DNAJB6: variants seen among roughly 807,000 people sequenced by gnomAD.
DNAJB6 encodes DnaJ heat shock protein family (Hsp40) member B6, also known as dnaJ homolog subfamily B member 6.
Under a neutral mutation model 42.7 loss-of-function variants are expected in DNAJB6, and 16 were observed. The ratio of observed to expected loss-of-function variants is 0.37; its 90% CI spans 0.25 to 0.57. The LOEUF (loss-of-function observed/expected upper bound fraction) is 0.57, where lower values mean the gene tolerates loss of function less well. Among genes scored for constraint, DNAJB6 ranks in the 20% least tolerant of loss-of-function variants. DNAJB6 has a pLI of 0.74. For synonymous variants in DNAJB6, 170 were observed against 163.5 expected (o/e 1.04, Z -0.30); for missense variants, 347 against 416.8 (o/e 0.83, Z 1.46).
At chr7:157,376,171 C>T (rs1800461425) in intron 5 of DNAJB6, among the ~76,000 whole-genome samples, 1 of 152,180 alleles carries the variant, frequency 6.6e-6, no homozygotes, top group African/African-American at 2.4e-5. Context: ...GGGTTTAAAA[C>T]ATGTTCTCCA....
At chr7:157,407,753 A>G (rs979668858) in intron 8 of DNAJB6, among the ~76,000 whole-genome samples, 6 of 152,138 alleles carry the variant, frequency 3.9e-5, no homozygotes, top group African/African-American at 1.4e-4. Flanking sequence ...CCACGTTGCC[A>G]CACAACAGCG....
intron 8 of DNAJB6, among the ~76,000 whole-genome samples, chr7:157,386,865 CAG>C: frequency 6.8e-6 from 1 of 146,342 alleles, no homozygotes; most frequent in Middle Eastern, 3.4e-3. Context: ...GCCTGGGAGA[CAG>C]AGCAAGCCTT....
At chr7:157,387,377 C>T (rs1226280280) in intron 8 of DNAJB6, among the ~76,000 whole-genome samples, 1 of 152,134 alleles carries the variant, frequency 6.6e-6, no homozygotes, top group Non-Finnish European at 1.5e-5. Context: ...AGCGGGACAG[C>T]GCCCTCTAGT....
At chr7:157,346,339 T>G (rs944471689) in intron 1 of DNAJB6, among the ~76,000 whole-genome samples, 1 of 80,056 alleles carries the variant, frequency 1.2e-5, no homozygotes, top group Admixed American at 1.4e-4. Context: ...AAAAAAAAAG[T>G]TAAAGATACA....
In DNAJB6 at chr7:157,416,158, C is replaced by G; in HGVS notation, c.*60C>G. 6.3e-7 allele frequency: 1 copy of G among 1,579,778 alleles called. No individual in the cohort carries two copies. The highest frequency in any genetic ancestry group is 8.6e-7 in the Non-Finnish European group (1 of 1,161,774). Reference sequence around the variant, plus strand: ...CTGGCGCTCCACCGTGCTCGGCATGCGGTCGTGCACACGCGCTAGGTAGCA... The same window carrying G: ...CTGGCGCTCCACCGTGCTCGGCATGGGGTCGTGCACACGCGCTAGGTAGCA... On this transcript the variant is annotated 3_prime_UTR_variant, in exon 10 of 10. Transcript: ENST00000262177.
intron 5 of DNAJB6, chr7:157,379,084 A>C (rs920196291): frequency 2.0e-5 from 3 of 152,208 alleles, no homozygotes; most frequent in Non-Finnish European, 4.4e-5. Flanking sequence ...GATTTTTTTC[A>C]TACAAGAAAA....
rs1554461159 is a variant in DNAJB6, at chr7:157,376,858, CGA to C, written c.347-5387_347-5386del. Among the ~76,000 whole-genome samples, 5 of 152,076 alleles carry C rather than the reference CGA, an allele frequency of 3.3e-5. 1 individual carries two copies. Among genetic ancestry groups the C allele is most frequent in the Non-Finnish European group, 1.5e-5 (1 of 68,016 alleles). Reference sequence around the variant, plus strand: ...TCGCGCCACTACACTCCAGCCTGGGCGACAGAGCAAGACTCCGTCTTGGGAAA... The same window carrying C: ...TCGCGCCACTACACTCCAGCCTGGGCCAGAGCAAGACTCCGTCTTGGGAAA... On this transcript the variant is annotated intron_variant, in intron 5 of 9. Coordinates refer to ENST00000262177, the MANE Select transcript of DNAJB6 (RefSeq NM_058246.4).
At chr7:157,364,790 A>G (rs1293748937) in intron 3 of DNAJB6, among the ~76,000 whole-genome samples, 2 of 152,180 alleles carry the variant, frequency 1.3e-5, no homozygotes, top group Admixed American at 6.5e-5. Context: ...TGGGAGGTGT[A>G]TGAGGTGTGT....
chr7:157,339,266 A>G (rs1798213587), intron 1 of DNAJB6, among the ~76,000 whole-genome samples: 1 of 136,778 alleles, frequency 7.3e-6, no homozygotes, highest in African/African-American at 2.7e-5. Flanking sequence ...TGGGGGTGGA[A>G]TGGTCTGTTT....
chr7:157,378,937 A>T (rs991017304), intron 5 of DNAJB6: 3 of 152,248 alleles, frequency 2.0e-5, no homozygotes, highest in African/African-American at 7.2e-5. Context: ...TGTTTCTGTT[A>T]CAAATGAGAC....
intron 9 of DNAJB6, 92 bp downstream of exon 9, chr7:157,410,093 C>T: frequency 2.7e-6 from 4 of 1,455,558 alleles, no homozygotes; most frequent in East Asian, 2.5e-5. Flanking sequence ...GCCTGGGCTG[C>T]TGTGTTCTGA....
chr7:157,355,069 A>T (rs1799200506), intron 1 of DNAJB6, among the ~76,000 whole-genome samples: 1 of 152,208 alleles, frequency 6.6e-6, no homozygotes, highest in Admixed American at 6.5e-5. Context: ...TAAGTAAATT[A>T]TATTTATGTA....
chr7:157,368,516 A>G (rs1032898366), intron 5 of DNAJB6: 4 of 152,366 alleles, frequency 2.6e-5, no homozygotes, highest in Non-Finnish European at 5.9e-5. Context: ...TAAGGGAGAC[A>G]GTGCTGTTAT....
At chr7:157,340,620 T>C (rs1194214959) in intron 1 of DNAJB6, among the ~76,000 whole-genome samples, 5 of 152,126 alleles carry the variant, frequency 3.3e-5, no homozygotes, top group Admixed American at 3.3e-4. Context: ...ACTGTTGACC[T>C]GTTTCATGTT....
chr7:157,393,666 G>A (rs1025667338), intron 8 of DNAJB6, among the ~76,000 whole-genome samples: 2 of 152,128 alleles, frequency 1.3e-5, no homozygotes, highest in Non-Finnish European at 2.9e-5. Flanking sequence ...CTAGTTACTG[G>A]TATTTTTTAA....
chr7:157,410,106 T>A, intron 9 of DNAJB6, 105 bp downstream of exon 9: 1 of 1,425,040 alleles, frequency 7.0e-7, no homozygotes, highest in Admixed American at 2.8e-5. Flanking sequence ...TGTTCTGACC[T>A]GAGCGGGCGT....
chr7:157,413,066 T>C (rs1440329482), intron 9 of DNAJB6: 1 of 152,316 alleles, frequency 6.6e-6, no homozygotes, highest in East Asian at 1.9e-4. Context: ...CCCTGCTGCG[T>C]GGTGTGGGGT....
intron 5 of DNAJB6, among the ~76,000 whole-genome samples, chr7:157,376,386 AT>A (rs1386652894): frequency 6.6e-6 from 1 of 152,200 alleles, no homozygotes; most frequent in Non-Finnish European, 1.5e-5. Flanking sequence ...ATAGCATGAT[AT>A]TGCAAAATTT....
At chr7:157,339,604 TGTG>T (rs1563103546) in intron 1 of DNAJB6, among the ~76,000 whole-genome samples, 4 of 25,610 alleles carry the variant, frequency 1.6e-4, no homozygotes, top group African/African-American at 1.1e-3. Flanking sequence ...CGGCCTTTTG[TGTG>T]TGTGTGTGTG....
Sources: allele counts gnomAD v4.1 joint callset (sites outside exome capture counted in the v4.1 genomes callset), GRCh38; gene constraint gnomAD v4.1.1; transcripts MANE v1.5; gene names NCBI Gene and HGNC (gene_info 2026-07-23, HGNC 2026-07-21).